BTNL9: variants seen among roughly 807,000 people sequenced by gnomAD.
BTNL9 encodes butyrophilin like 9.
A neutral mutation model predicts 45.8 loss-of-function variants in BTNL9; 45 were observed. That is an observed-to-expected ratio of 0.98 (90% CI 0.77 to 1.26). The LOEUF (loss-of-function observed/expected upper bound fraction) is 1.26, where lower values mean the gene tolerates loss of function less well. Among genes scored for constraint, BTNL9 ranks in the 50% most tolerant of loss-of-function variants. BTNL9 has a pLI of 0.00. For missense variants in BTNL9, 784 were observed against 729.7 expected (o/e 1.07, Z -0.86); for synonymous variants, 346 against 330.8 (o/e 1.05, Z -0.50).
chr5:181,052,082 C>T (rs544161574), intron 4 of BTNL9, among the ~76,000 whole-genome samples: 2 of 152,174 alleles, frequency 1.3e-5, no homozygotes, highest in African/African-American at 2.4e-5. Flanking sequence ...CCCTTGACCC[C>T]AGGCCATTGC....
rs1386313923 is a variant in BTNL9, at chr5:181,045,461, C to T, written c.-23-6C>T. The T allele has an allele frequency of 1.3e-6, 2 of 1,490,616 alleles. No homozygotes were observed. Among genetic ancestry groups the T allele is most frequent in the Non-Finnish European group, 1.9e-6 (2 of 1,067,916 alleles). The allele number at this position is 1,490,616 out of a possible 1,614,324, so 92.3% of individuals were successfully genotyped here. A position where few individuals can be genotyped will look rare whatever the true frequency, so the allele number is the denominator to read the frequency against. ...GTCGCTCCAGCACCCCTTTGTCCCT[C>T]TCCAGGTGGCCCCCACTGCTGACGA... On this transcript the variant is annotated splice_region_variant and splice_polypyrimidine_tract_variant and intron_variant, in intron 1 of 10. Transcript: ENST00000327705.
At chr5:181,056,155 G>T (rs375866841) in intron 9 of BTNL9, 140 bp downstream of exon 9, 3 of 976,998 alleles carry the variant, frequency 3.1e-6, no homozygotes, top group Non-Finnish European at 4.9e-6. Flanking sequence ...ATGTCACTGG[G>T]TAGAGGTCAT....
intron 1 of BTNL9, among the ~76,000 whole-genome samples, chr5:181,045,003 T>A (rs114343033): frequency 6.6e-6 from 1 of 152,344 alleles, no homozygotes; most frequent in African/African-American, 2.4e-5. Context: ...TTTTGCGGAC[T>A]CGATGTTCCA....
rs1209154307 is a variant in BTNL9 at position 181,053,573 on chromosome 5, G to C, written c.886+72G>C. On this transcript the variant is annotated intron_variant, in intron 6 of 10. Transcript: ENST00000327705. The surrounding 1 kb of genome is among the most constrained non-coding windows in gnomAD (Gnocchi z 6.5). Reference sequence around the variant, plus strand: ...ACCCGCCGTCATCTAAAGGCTGTGGGTCCCGTTACGAGGGTTTATTCCAGC... The same window carrying C: ...ACCCGCCGTCATCTAAAGGCTGTGGCTCCCGTTACGAGGGTTTATTCCAGC... 9 of 1,551,548 alleles carry C rather than the reference G, an allele frequency of 5.8e-6. No homozygotes were observed. In the South Asian group the frequency reaches 1.1e-4, roughly 18 times the overall value.
Position 181,060,083 on chromosome 5 carries a change from G to A in BTNL9, c.*221G>A, listed in dbSNP as rs1762092705. On this transcript the variant is annotated 3_prime_UTR_variant, in exon 11 of 11. Coordinates refer to ENST00000327705, the MANE Select transcript of BTNL9 (RefSeq NM_152547.5). ...GCTCGTTTGTGGATTGTGGGACTGA[G>A]CGAAGGAGTACAAATATATCCACGT... 1.7e-6 allele frequency: 1 copy of A among 573,778 alleles called. No homozygotes were observed. The highest frequency in any genetic ancestry group is 3.1e-6 in the Non-Finnish European group (1 of 327,796). 35.5% of individuals were successfully genotyped at this position (573,778 alleles called of 1,614,324 possible). A position where few individuals can be genotyped will look rare whatever the true frequency, so the allele number is the denominator to read the frequency against.
intron 9 of BTNL9, chr5:181,056,815 G>T (rs1351273597): frequency 3.6e-6 from 2 of 554,276 alleles, no homozygotes; most frequent in Non-Finnish European, 6.4e-6. Context: ...TTCCAAGTTT[G>T]CCAATCAGTG....
At position 181,055,966 on chromosome 5, in the gene BTNL9, C is replaced by T; in HGVS notation, c.929-23C>T. 2 of 1,614,158 alleles carry T rather than the reference C, an allele frequency of 1.2e-6. No individual in the cohort carries two copies. Among genetic ancestry groups the T allele is most frequent in the Non-Finnish European group, 1.7e-6 (2 of 1,180,004 alleles). On this transcript the variant is annotated intron_variant, in intron 8 of 10. Coordinates refer to ENST00000327705, the MANE Select transcript of BTNL9 (RefSeq NM_152547.5). The surrounding 1 kb of genome is among the most constrained non-coding windows in gnomAD (Gnocchi z 4.4). The stretch of plus-strand genomic sequence containing the variant: ...CTTGGGGTCCTGATGTGCTAATTTC[C>T]TGTTTTCCCTTGGTTGCTTCAGACT...
Position 181,059,829 on chromosome 5 carries a change from T to G in BTNL9, c.1575T>G (p.Tyr525Ter). 1 of 1,592,080 alleles carries G rather than the reference T, an allele frequency of 6.3e-7. No homozygotes were observed. The highest frequency in any genetic ancestry group is 8.5e-7 in the Non-Finnish European group (1 of 1,175,038). ...ACAGTGACACCTGGCTACAGCCCTA[T>G]GAGCCCGCGGACCCCGCCCTGGACT... The part of the protein sequence containing the change: ...ENDSDTWLQP[Y>*]EPADPALDWW Residue 525 changes from tyrosine to a stop codon, truncating the protein, a stop_gained, in exon 11 of 11, where the codon TAT (tyrosine) becomes TAG (stop). Transcript: ENST00000327705. LOFTEE classifies it low-confidence loss of function (END_TRUNC).
chr5:181,054,382 G>A, intron 7 of BTNL9, 123 bp downstream of exon 7: 1 of 1,532,578 alleles, frequency 6.5e-7, no homozygotes, highest in South Asian at 1.3e-5. Flanking sequence ...ATCCCTGTGA[G>A]CCTCCACCTC....
At chr5:181,059,076 T>TTCAG (rs1282487150) in intron 10 of BTNL9, 161 bp from the exon 11 acceptor site, 33 of 813,706 alleles carry the variant, frequency 4.1e-5, no homozygotes, top group Middle Eastern at 6.3e-4. Flanking sequence ...CACATGCCAC[T>TTCAG]TCAGTCCTGG....
At position 181,054,750 on chromosome 5, in the gene BTNL9, T is replaced by TG. The variant is rs1183218102; in HGVS notation, c.907+498dup. The TG allele has an allele frequency of 1.5e-4, 143 of 984,006 alleles. No homozygotes were observed. The African/African-American group carries it at 2.0e-3, about 14-fold the overall frequency. The allele number at this position is 984,006 out of a possible 1,614,324, so 61.0% of individuals were successfully genotyped here. A position where few individuals can be genotyped will look rare whatever the true frequency, so the allele number is the denominator to read the frequency against. ...GAAAAGGCCATCATGGTGTTGGGGTTGGGGGGGCAATTCAGATGAAACTGT... is the reference window on the plus strand; with the variant it reads ...GAAAAGGCCATCATGGTGTTGGGGTTGGGGGGGGCAATTCAGATGAAACTGT... On this transcript the variant is annotated intron_variant, in intron 7 of 10. Coordinates refer to ENST00000327705, the MANE Select transcript of BTNL9 (RefSeq NM_152547.5).
intron 1 of BTNL9, among the ~76,000 whole-genome samples, chr5:181,044,777 T>C (rs1164205804): frequency 6.6e-6 from 1 of 151,880 alleles, no homozygotes; most frequent in Admixed American, 6.6e-5. Flanking sequence ...GCCTCCTGGG[T>C]CATAGATGAG....
At chr5:181,044,951 A>C (rs182519707) in intron 1 of BTNL9, among the ~76,000 whole-genome samples, 1 of 152,182 alleles carries the variant, frequency 6.6e-6, no homozygotes, top group African/African-American at 2.4e-5. Context: ...ACCTGCATGC[A>C]CTCCACTTCT....
At position 181,055,836 on chromosome 5, in the gene BTNL9, A is replaced by G; in HGVS notation, c.929-153A>G. On this transcript the variant is annotated intron_variant, in intron 8 of 10. Transcript: ENST00000327705. The surrounding 1 kb of genome is among the most constrained non-coding windows in gnomAD (Gnocchi z 4.4). ...CTGATTCCCCATATATCTTCTTCTC[A>G]TCTCCCAACCAGGTATGATGCCCAG... The G allele has an allele frequency of 2.4e-6, 2 of 846,216 alleles. No homozygotes were observed. Among genetic ancestry groups the G allele is most frequent in the South Asian group, 1.3e-5 (1 of 74,994 alleles). 52.4% of individuals were successfully genotyped at this position (846,216 alleles called of 1,614,324 possible). A position where few individuals can be genotyped will look rare whatever the true frequency, so the allele number is the denominator to read the frequency against.
Position 181,053,496 on chromosome 5 carries a change from GAC to G in BTNL9, c.883_884del (p.Gln295ArgfsTer15), listed in dbSNP as rs1561983744. The G allele has an allele frequency of 6.3e-7, 1 of 1,578,406 alleles. No individual in the cohort carries two copies. The highest frequency in any genetic ancestry group is 1.2e-5 in the South Asian group (1 of 86,268). On this transcript the variant is annotated frameshift_variant, in exon 6 of 11. Coordinates refer to ENST00000327705, the MANE Select transcript of BTNL9 (RefSeq NM_152547.5). LOFTEE classifies it high-confidence loss of function. The surrounding 1 kb of genome is among the most constrained non-coding windows in gnomAD (Gnocchi z 6.5). ...AAGCTGAGGAAGCAGGCGGAGAAGA[GAC>G]AAGGTGAGCGGGGACAGGGCGTTCT...
At chr5:181,051,737 AAGAG>A (rs1261431794) in intron 4 of BTNL9, among the ~76,000 whole-genome samples, 4 of 121,254 alleles carry the variant, frequency 3.3e-5, no homozygotes, top group Non-Finnish European at 5.4e-5. Flanking sequence ...AAAATGAACT[AAGAG>A]AGGGGAAGAG....
Position 181,053,466 on chromosome 5 carries a change from C to T in BTNL9, c.854-3C>T. On this transcript the variant is annotated splice_polypyrimidine_tract_variant and splice_region_variant and intron_variant, in intron 5 of 10. Transcript: ENST00000327705. This position sits in a 1 kb window ranked among gnomAD's most constrained non-coding sequence, Gnocchi z 6.5. Reference sequence around the variant, plus strand: ...AGCCCTCTCCGCTCCCGTTTCCCTTCAGAAAAGCTGAGGAAGCAGGCGGAG... The same window carrying T: ...AGCCCTCTCCGCTCCCGTTTCCCTTTAGAAAAGCTGAGGAAGCAGGCGGAG... 6.4e-7 allele frequency: 1 copy of T among 1,574,324 alleles called. No individual in the cohort carries two copies. The highest frequency in any genetic ancestry group is 8.6e-7 in the Non-Finnish European group (1 of 1,160,332).
chr5:181,055,795 A>T lies in BTNL9; in HGVS notation c.929-194A>T, dbSNP rs3885614. Reference sequence around the variant, plus strand: ...AAAAAAAAAAGAACTATTTCTCCTCATTCATCATTTTGCATCTGATTCCCC... The same window carrying T: ...AAAAAAAAAAGAACTATTTCTCCTCTTTCATCATTTTGCATCTGATTCCCC... On this transcript the variant is annotated intron_variant, in intron 8 of 10. Transcript: ENST00000327705. This position sits in a 1 kb window ranked among gnomAD's most constrained non-coding sequence, Gnocchi z 4.4. 229,948 of 742,726 alleles carry T rather than the reference A, an allele frequency of 0.31. 38,285 individuals are homozygous for T. The highest frequency in any genetic ancestry group is 0.35 in the Non-Finnish European group (144,171 of 407,856). The allele number at this position is 742,726 out of a possible 1,614,324, so 46.0% of individuals were successfully genotyped here.
At chr5:181,043,230 CT>C (rs1760883270) in intron 1 of BTNL9, among the ~76,000 whole-genome samples, 3 of 34,622 alleles carry the variant, frequency 8.7e-5, no homozygotes, top group Non-Finnish European at 1.9e-4. Flanking sequence ...GTGTGTGTGT[CT>C]ATGTGTGTGT....
Sources: allele counts gnomAD v4.1 joint callset (sites outside exome capture counted in the v4.1 genomes callset), GRCh38; gene constraint gnomAD v4.1.1; non-coding constraint Gnocchi (gnomAD v3.1); transcripts MANE v1.5; gene names NCBI Gene and HGNC (gene_info 2026-07-23, HGNC 2026-07-21).